Variants in LRRC49 observed in about 807,000 individuals in gnomAD.
The protein encoded by LRRC49 is leucine rich repeat containing 49.
LRRC49 carries 50 observed loss-of-function variants against 83.3 expected under a neutral mutation model. The ratio of observed to expected loss-of-function variants is 0.60; its 90% CI spans 0.48 to 0.76. The LOEUF is 0.76. LRRC49 is among the 30% of genes least tolerant of loss of function. The pLI is 0.00. For missense variants in LRRC49, 704 were observed against 809.1 expected, an observed-to-expected ratio of 0.87 and a Z score of 1.58; for synonymous variants, 286 against 283.3, an observed-to-expected ratio of 1.01 and a Z score of -0.10.
chr15:70,948,688 A>C (rs190986589), intron 8 of LRRC49, among the ~76,000 whole-genome samples: 1 of 152,132 alleles, frequency 6.6e-6, no homozygotes, highest in Admixed American at 6.5e-5. Context: ...ATACTTTTGC[A>C]GTCCTAGCTC....
chr15:70,924,338 C>G (rs796639150), intron 7 of LRRC49, among the ~76,000 whole-genome samples: 12 of 151,930 alleles, frequency 7.9e-5, no homozygotes, highest in African/African-American at 2.9e-4. Context: ...AGATTTTTTA[C>G]TTAGATGTTA....
chr15:70,898,671 T>C (rs542861446), intron 3 of LRRC49, among the ~76,000 whole-genome samples: 31 of 152,082 alleles, frequency 2.0e-4, no homozygotes, highest in Non-Finnish European at 3.1e-4. Flanking sequence ...TAGTCCCAGG[T>C]ATTCGAGAGG....
At position 71,034,919 on chromosome 15, in the gene LRRC49, G is replaced by A. The variant is rs1434599899; in HGVS notation, c.1704-2260G>A. On this transcript the variant is annotated intron_variant, in intron 14 of 15. Coordinates refer to ENST00000260382, the MANE Select transcript of LRRC49 (RefSeq NM_017691.5). ...AGGGCAGGAGGAGGGAGAGCATCAG[G>A]ATAAATAGCTAATGCATGTGGGACT... Among the ~76,000 whole-genome samples, 3 of 152,054 alleles carry A rather than the reference G, an allele frequency of 2.0e-5. No individual in the cohort carries two copies. The East Asian group carries it at 5.8e-4, about 29-fold the overall frequency.
In LRRC49 at chr15:71,052,686, A is replaced by G. The variant is rs1255855767; in HGVS notation, c.*3074A>G. On this transcript the variant is annotated 3_prime_UTR_variant, in exon 16 of 16. Transcript: ENST00000260382. ...AGCTCTTTGTATACATTCTCATTTA[A>G]TCTCCTAACACTGCGATATATATAT... 6.6e-6 allele frequency: 1 copy of G among 152,212 alleles called. No individual in the cohort carries two copies. The highest frequency in any genetic ancestry group is 1.5e-5 in the Non-Finnish European group (1 of 68,038). 9.4% of individuals were successfully genotyped at this position (152,212 alleles called of 1,614,324 possible).
intron 2 of LRRC49, among the ~76,000 whole-genome samples, chr15:70,878,228 T>G (rs953818095): frequency 6.6e-6 from 1 of 152,224 alleles, no homozygotes; most frequent in Non-Finnish European, 1.5e-5. Context: ...TAATCTCAGT[T>G]TCCAATTGTT....
chr15:70,948,776 A>C (rs2036105491), intron 8 of LRRC49, among the ~76,000 whole-genome samples: 1 of 152,132 alleles, frequency 6.6e-6, no homozygotes, highest in Non-Finnish European at 1.5e-5. Flanking sequence ...TTTGAGTGCA[A>C]GGTGTGCTTA....
In LRRC49 at chr15:70,901,029, G is replaced by A; in HGVS notation, c.296+5G>A. ...AGACAGGTTGAGCCTAGAAAGGTGA[G>A]GACAATTTCTTTTCTTTTCTTTTTT... On this transcript the variant is annotated splice_donor_5th_base_variant and intron_variant, in intron 4 of 15. Coordinates refer to ENST00000260382, the MANE Select transcript of LRRC49 (RefSeq NM_017691.5). 2 of 1,559,356 alleles carry A rather than the reference G, an allele frequency of 1.3e-6. No individual in the cohort carries two copies. Among genetic ancestry groups the A allele is most frequent in the South Asian group, 1.2e-5 (1 of 86,324 alleles).
chr15:70,875,643 G>C (rs1217465232), intron 2 of LRRC49, among the ~76,000 whole-genome samples: 1 of 152,214 alleles, frequency 6.6e-6, no homozygotes, highest in Non-Finnish European at 1.5e-5. Context: ...CATGTGCCCA[G>C]CAGTGTTCTA....
At chr15:70,853,729 G>C (rs934370808) in intron 1 of LRRC49, among the ~76,000 whole-genome samples, 1 of 152,158 alleles carries the variant, frequency 6.6e-6, no homozygotes, top group Non-Finnish European at 1.5e-5. Context: ...TCCACGGGCC[G>C]GTTCTGACTC....
intron 14 of LRRC49, among the ~76,000 whole-genome samples, chr15:71,035,130 G>T (rs571195132): frequency 6.6e-6 from 1 of 151,846 alleles, no homozygotes; most frequent in South Asian, 2.1e-4. Context: ...TCCTATAAGA[G>T]GAACCAATTA....
At position 71,052,837 on chromosome 15, in the gene LRRC49, G is replaced by A. The variant is rs919758912; in HGVS notation, c.*3225G>A. 3 of 152,104 alleles carry A rather than the reference G, an allele frequency of 2.0e-5. No homozygotes were observed. Among genetic ancestry groups the A allele is most frequent in the Non-Finnish European group, 4.4e-5 (3 of 68,030 alleles). 9.4% of individuals were successfully genotyped at this position (152,104 alleles called of 1,614,324 possible). On this transcript the variant is annotated 3_prime_UTR_variant, in exon 16 of 16. Coordinates refer to ENST00000260382, the MANE Select transcript of LRRC49 (RefSeq NM_017691.5). ...CATTCACTGTTAGTCTTAAGGATCT[G>A]GCATCTGGGAAGAATTTTGATGTCC...
chr15:70,882,992 T>C (rs1007054118), intron 2 of LRRC49: 8 of 1,429,818 alleles, frequency 5.6e-6, no homozygotes, highest in Non-Finnish European at 7.6e-6. Context: ...AGTAAGACAG[T>C]ATAGCTGAAA....
At position 70,984,116 on chromosome 15, in the gene LRRC49, A is replaced by T. The variant is rs150693819; in HGVS notation, c.1028A>T (p.Asn343Ile). Reference protein sequence around the residue: ...LLKEKKRLTINNVARQWDLQQ... With the variant: ...LLKEKKRLTIINVARQWDLQQ... Reference sequence around the variant, plus strand: ...TAGGAGAAGAAAAGGTTAACAATTAACAACGTAGCTCGACAGTGGGACTTG... The same window carrying T: ...TAGGAGAAGAAAAGGTTAACAATTATCAACGTAGCTCGACAGTGGGACTTG... The change falls in exon 11 of 16, where the codon AAC becomes ATC. Residue 343 changes from asparagine (N) to isoleucine (I), a missense_variant. Physicochemically the swap from Asn to Ile is moderately radical, Grantham distance 149 (BLOSUM62 -3). Coordinates refer to ENST00000260382, the MANE Select transcript of LRRC49 (RefSeq NM_017691.5). 158 of 1,611,076 alleles carry T rather than the reference A, an allele frequency of 9.8e-5. 1 individual carries two copies. The African/African-American group carries it at 1.9e-3, about 20-fold the overall frequency.
At chr15:70,899,572 A>G (rs1334593326) in intron 3 of LRRC49, among the ~76,000 whole-genome samples, 1 of 152,172 alleles carries the variant, frequency 6.6e-6, no homozygotes, top group Non-Finnish European at 1.5e-5. Flanking sequence ...TAATATTCAG[A>G]AAAGTGGGAT....
chr15:70,876,734 C>A (rs938970084), intron 2 of LRRC49, among the ~76,000 whole-genome samples: 1 of 152,076 alleles, frequency 6.6e-6, no homozygotes, highest in African/African-American at 2.4e-5. Flanking sequence ...CCATTTTTTG[C>A]CTTTCCTCAC....
chr15:71,024,268 A>G (rs1252637985), intron 14 of LRRC49, among the ~76,000 whole-genome samples: 1 of 152,204 alleles, frequency 6.6e-6, no homozygotes, highest in Non-Finnish European at 1.5e-5. Context: ...AGAGTGCTTC[A>G]TTAAGCGGGT....
chr15:70,947,847 T>C (rs1009678711), intron 8 of LRRC49, among the ~76,000 whole-genome samples: 1 of 152,142 alleles, frequency 6.6e-6, no homozygotes, highest in African/African-American at 2.4e-5. Flanking sequence ...GCCAGGGACA[T>C]ACAGGACATA....
rs543646654 is a variant in LRRC49 at position 70,893,054 on chromosome 15, A to G, written c.48+112A>G. On this transcript the variant is annotated intron_variant, in intron 1 of 15. Transcript: ENST00000260382. The stretch of plus-strand genomic sequence containing the variant: ...AGGACCGGCACCGCTGGGTCTACTC[A>G]AGCTATTGTCTGACCAGGGTTTGAG... 847 of 1,230,126 alleles carry G rather than the reference A, an allele frequency of 6.9e-4. 2 individuals are homozygous for G. The highest frequency in any genetic ancestry group is 9.5e-4 in the Non-Finnish European group (789 of 831,828). 76.2% of individuals were successfully genotyped at this position (1,230,126 alleles called of 1,614,324 possible). A position where few individuals can be genotyped will look rare whatever the true frequency, so the allele number is the denominator to read the frequency against.
At chr15:70,921,027 A>G (rs2034987267) in intron 7 of LRRC49, among the ~76,000 whole-genome samples, 1 of 151,874 alleles carries the variant, frequency 6.6e-6, no homozygotes, top group Admixed American at 6.6e-5. Context: ...TTTCCTCAGT[A>G]GCTGGTAATC....
Sources: allele counts gnomAD v4.1 joint callset (sites outside exome capture counted in the v4.1 genomes callset), GRCh38; gene constraint gnomAD v4.1.1; transcripts MANE v1.5; gene names NCBI Gene and HGNC (gene_info 2026-07-23, HGNC 2026-07-21).